The following STX8 variants were observed in gnomAD, a reference collection of about 807,000 sequenced individuals.
The protein encoded by STX8 is syntaxin 8.
Under a neutral mutation model 37.5 loss-of-function variants are expected in STX8, and 23 were observed. The ratio of observed to expected loss-of-function variants is 0.61; its 90% CI spans 0.44 to 0.87. The LOEUF (loss-of-function observed/expected upper bound fraction) is 0.87. Ranked by LOEUF, STX8 falls within the 40% of genes least tolerant of loss-of-function variation. The pLI is 0.00. For missense variants in STX8, 313 were observed against 284.7 expected (o/e 1.10, Z -0.71); for synonymous variants, 115 against 99.1 (o/e 1.16, Z -0.95).
chr17:9,526,975 C>A (rs970595804), intron 4 of STX8, among the ~76,000 whole-genome samples: 2 of 150,624 alleles, frequency 1.3e-5, no homozygotes, highest in Non-Finnish European at 3.0e-5. Flanking sequence ...GTCAGGAGAT[C>A]GAGACCATCC....
At chr17:9,396,569 G>T (rs1281161905) in intron 6 of STX8, among the ~76,000 whole-genome samples, 1 of 152,058 alleles carries the variant, frequency 6.6e-6, no homozygotes, top group Non-Finnish European at 1.5e-5. Context: ...AATTAGCCGG[G>T]CATGGTGGCG....
intron 6 of STX8, among the ~76,000 whole-genome samples, chr17:9,474,355 G>A (rs546817817): frequency 6.6e-6 from 1 of 152,206 alleles, no homozygotes; most frequent in South Asian, 2.1e-4. Context: ...CCTGAAGGGG[G>A]GTCATGGGAA....
intron 6 of STX8, among the ~76,000 whole-genome samples, chr17:9,463,234 G>A (rs1434532486): frequency 6.6e-6 from 1 of 152,074 alleles, no homozygotes; most frequent in African/African-American, 2.4e-5. Flanking sequence ...CTGTAAAATG[G>A]TAATGTTATT....
At chr17:9,469,991 CATA>C (rs1184889151) in intron 6 of STX8, 2 of 152,302 alleles carry the variant, frequency 1.3e-5, no homozygotes, top group Non-Finnish European at 2.9e-5. Flanking sequence ...TTCCTCAGGA[CATA>C]ATAAATTTTT....
At chr17:9,506,519 C>T (rs1904843011) in intron 4 of STX8, among the ~76,000 whole-genome samples, 1 of 149,330 alleles carries the variant, frequency 6.7e-6, no homozygotes, top group South Asian at 2.1e-4. Context: ...AGTGGAGAGG[C>T]CCCTGTGGTG....
intron 7 of STX8, among the ~76,000 whole-genome samples, chr17:9,353,599 CACTT>C (rs1407880885): frequency 6.6e-6 from 1 of 152,178 alleles, no homozygotes; most frequent in Non-Finnish European, 1.5e-5. Flanking sequence ...TATATTTACT[CACTT>C]ACTCTCCCCA....
chr17:9,293,851 T>G (rs1908411015), intron 7 of STX8, among the ~76,000 whole-genome samples: 1 of 151,054 alleles, frequency 6.6e-6, no homozygotes, highest in South Asian at 2.1e-4. Flanking sequence ...AAGCTCCGCC[T>G]CCCGGGTTCA....
intron 2 of STX8, among the ~76,000 whole-genome samples, chr17:9,561,448 CA>C (rs1328252242): frequency 6.6e-6 from 1 of 151,840 alleles, no homozygotes; most frequent in Non-Finnish European, 1.5e-5. Context: ...CTCTTGAGAC[CA>C]AGAGTTTGAG....
rs376997224 is a variant in STX8 at position 9,507,148 on chromosome 17, T to A, written c.324-1986A>T. 1.3e-5 allele frequency among the ~76,000 whole-genome samples: 2 copies of A among 152,010 alleles called. No individual in the cohort carries two copies. Among genetic ancestry groups the A allele is most frequent in the African/African-American group, 4.8e-5 (2 of 41,378 alleles). ...CAGGCTAGCAGAGTGACTACGCTCC[T>A]GCATCCCGGATCTATGAAACAGTCG... is the stretch of plus-strand genomic sequence containing the variant. On this transcript the variant is annotated intron_variant, in intron 4 of 7. Transcript: ENST00000306357. This position sits in a 1 kb window ranked among gnomAD's most constrained non-coding sequence, Gnocchi z 4.0.
intron 7 of STX8, among the ~76,000 whole-genome samples, chr17:9,358,865 A>G (rs12953050): frequency 0.15 from 23,181 of 152,142 alleles, 2,002 homozygotes; most frequent in African/African-American, 0.24. Context: ...TGAGTACAGG[A>G]AACTCCGGGA....
At chr17:9,347,371 A>T (rs1910568089) in intron 7 of STX8, among the ~76,000 whole-genome samples, 1 of 152,174 alleles carries the variant, frequency 6.6e-6, no homozygotes, top group Admixed American at 6.6e-5. Context: ...TTTCTAATGG[A>T]GCAGCTATAT....
chr17:9,329,085 A>G (rs1239304828), intron 7 of STX8, among the ~76,000 whole-genome samples: 4 of 137,458 alleles, frequency 2.9e-5, no homozygotes, highest in Admixed American at 7.2e-5. Context: ...AAAAAAAAAG[A>G]TGGTGTCTGA....
At chr17:9,421,408 AAAAATTTTTTTTTTTTTT>A (rs1374099014) in intron 6 of STX8, among the ~76,000 whole-genome samples, 1 of 147,908 alleles carries the variant, frequency 6.8e-6, no homozygotes, top group Non-Finnish European at 1.5e-5. Context: ...AAAAAAAAAA[AAAAATTTTTTTTTTTTTT>A]TTTGCAGATT....
intron 6 of STX8, among the ~76,000 whole-genome samples, chr17:9,427,063 C>T (rs778831002): frequency 6.6e-6 from 1 of 152,064 alleles, no homozygotes; most frequent in Non-Finnish European, 1.5e-5. Context: ...CCTATTTGCT[C>T]GGTTGGAAGT....
intron 7 of STX8, among the ~76,000 whole-genome samples, chr17:9,351,000 G>A (rs924805862): frequency 3.3e-5 from 5 of 151,890 alleles, no homozygotes; most frequent in Admixed American, 6.6e-5. Context: ...CAGCTTCATC[G>A]TCTATACTTT....
chr17:9,566,691 G>A (rs1019781300), intron 2 of STX8, among the ~76,000 whole-genome samples: 6 of 152,098 alleles, frequency 3.9e-5, no homozygotes, highest in Non-Finnish European at 8.8e-5. Context: ...GGAGGCTGGG[G>A]CAGGAGAATG....
rs386385626 is a variant in STX8 at position 9,546,591 on chromosome 17, G to GTTTTTTTTTT, written c.213-1319_213-1310dup. Among the ~76,000 whole-genome samples, 18 of 52,202 alleles carry GTTTTTTTTTT rather than the reference G, an allele frequency of 3.4e-4. 1 individual carries two copies. The highest frequency in any genetic ancestry group is 1.1e-3 in the South Asian group (1 of 888). 34.2% of individuals were successfully genotyped at this position (52,202 alleles called of 152,430 possible). On this transcript the variant is annotated intron_variant, in intron 3 of 7. Transcript: ENST00000306357. ...TTTCTTGATGCAAACTACAAAAGTGGTTTTTTTTTTTTTTTTTTTTTTTTG... is the reference window on the plus strand; with the variant it reads ...TTTCTTGATGCAAACTACAAAAGTGGTTTTTTTTTTTTTTTTTTTTTTTTTTTTTTTTTTG...
At chr17:9,285,309 G>C (rs1359154504) in intron 7 of STX8, among the ~76,000 whole-genome samples, 2 of 151,894 alleles carry the variant, frequency 1.3e-5, no homozygotes. Context: ...TCTGGTGGAC[G>C]GAAACACTGT....
chr17:9,266,124 C>T (rs1907225216), intron 7 of STX8, among the ~76,000 whole-genome samples: 1 of 152,080 alleles, frequency 6.6e-6, no homozygotes, highest in Admixed American at 6.5e-5. Context: ...AAGATGTAGG[C>T]TTAGAAATAA....
Sources: gnomAD v4.1 joint callset for allele counts (sites outside exome capture counted in the v4.1 genomes callset) on GRCh38, gnomAD v4.1.1 for gene constraint, Gnocchi (gnomAD v3.1) non-coding constraint, MANE v1.5 for transcripts, NCBI Gene and HGNC (gene_info 2026-07-23, HGNC 2026-07-21) for gene names.